DMD: variants seen among roughly 807,000 people sequenced by gnomAD.
The protein encoded by DMD is mutant dystrophin.
A neutral mutation model predicts 330.1 loss-of-function variants in DMD; 63 were observed. That is an observed-to-expected ratio of 0.19 (90% CI 0.16 to 0.24). The LOEUF is 0.24. DMD is among the 10% of genes least tolerant of loss of function. DMD has a pLI of 1.00. For synonymous variants in DMD, 1,223 were observed against 959.8 expected, an observed-to-expected ratio of 1.27 and a Z score of -5.07; for missense variants, 3,344 against 2,684.1, an observed-to-expected ratio of 1.25 and a Z score of -5.43.
At chrX:32,184,118 A>G (rs1238169830) in intron 44 of DMD, among the ~76,000 whole-genome samples, 1 of 110,733 alleles carries the variant, frequency 9.0e-6, no homozygotes, top group African/African-American at 3.3e-5. Flanking sequence ...AAAAAATCTT[A>G]TTGATCACCT....
At chrX:32,093,620 G>T (rs2096488955) in intron 44 of DMD, among the ~76,000 whole-genome samples, 1 of 111,265 alleles carries the variant, frequency 9.0e-6, no homozygotes, top group African/African-American at 3.3e-5. Flanking sequence ...GAAATCTTTG[G>T]GATGTAATTT....
At chrX:33,225,947 G>C (rs1047689501) in intron 1 of DMD, among the ~76,000 whole-genome samples, 1 of 111,602 alleles carries the variant, frequency 9.0e-6, no homozygotes, top group African/African-American at 3.2e-5. Flanking sequence ...ACAACACATA[G>C]ATGGCGGATA....
intron 62 of DMD, among the ~76,000 whole-genome samples, chrX:31,292,084 G>T (rs1355533458): frequency 9.0e-6 from 1 of 110,901 alleles, no homozygotes; most frequent in Admixed American, 9.6e-5. Flanking sequence ...GGACACAAAA[G>T]AATTAACCCT....
intron 41 of DMD, among the ~76,000 whole-genome samples, chrX:32,335,554 T>A (rs1417970248): frequency 4.6e-5 from 3 of 65,323 alleles, no homozygotes; most frequent in Admixed American, 2.1e-4. Flanking sequence ...ATAACGTGTA[T>A]ATGTTATATA....
At chrX:31,167,668 G>T (rs921873709) in intron 74 of DMD, among the ~76,000 whole-genome samples, 3 of 111,626 alleles carry the variant, frequency 2.7e-5, no homozygotes, top group Non-Finnish European at 5.6e-5. Flanking sequence ...CTCTACCATG[G>T]TCTTCACTGA....
At chrX:32,607,021 A>C (rs1490052170) in intron 12 of DMD, among the ~76,000 whole-genome samples, 2 of 109,310 alleles carry the variant, frequency 1.8e-5, no homozygotes, top group Admixed American at 2.0e-4. Flanking sequence ...AGGGGTGAAA[A>C]ATTACCTATT....
intron 44 of DMD, among the ~76,000 whole-genome samples, chrX:32,180,641 G>A (rs1313861277): frequency 9.0e-6 from 1 of 111,198 alleles, no homozygotes; most frequent in Non-Finnish European, 1.9e-5. Context: ...CTGAGACTGG[G>A]TAATTTATAA....
intron 47 of DMD, among the ~76,000 whole-genome samples, chrX:31,899,211 A>C (rs1219399439): frequency 2.7e-5 from 3 of 111,897 alleles, no homozygotes; most frequent in Non-Finnish European, 5.6e-5. Context: ...AGGATTTGTA[A>C]TAATCTCAAT....
intron 9 of DMD, among the ~76,000 whole-genome samples, chrX:32,680,311 G>GA (rs1033396317): frequency 9.0e-6 from 1 of 111,236 alleles, no homozygotes; most frequent in African/African-American, 3.3e-5. Context: ...GTAACGTTTA[G>GA]AAACATCACT....
At chrX:31,933,082 G>GT (rs1220486375) in intron 45 of DMD, among the ~76,000 whole-genome samples, 5 of 111,990 alleles carry the variant, frequency 4.5e-5, no homozygotes, top group African/African-American at 6.5e-5. Flanking sequence ...ACCAACTAAA[G>GT]TAAGTATATA....
chrX:31,953,401 T>TAC (rs1236966880), intron 45 of DMD, among the ~76,000 whole-genome samples: 1 of 112,467 alleles, frequency 8.9e-6, no homozygotes, highest in Non-Finnish European at 1.9e-5. Flanking sequence ...TGGCTTGTTC[T>TAC]ACCTTGATAG....
intron 1 of DMD, among the ~76,000 whole-genome samples, chrX:33,024,455 T>C (rs1221188565): frequency 8.9e-6 from 1 of 112,044 alleles, no homozygotes; most frequent in Non-Finnish European, 1.9e-5. Flanking sequence ...ACTTCATAAA[T>C]TGCAAAAACT....
chrX:31,660,722 T>C (rs1231671947), intron 53 of DMD, among the ~76,000 whole-genome samples: 1 of 111,437 alleles, frequency 9.0e-6, no homozygotes, highest in East Asian at 2.8e-4. Context: ...AAATATATAA[T>C]TAAAATCATT....
chrX:31,696,060 C>T (rs1276811768), intron 52 of DMD, among the ~76,000 whole-genome samples: 2 of 110,857 alleles, frequency 1.8e-5, no homozygotes, highest in East Asian at 2.8e-4. Context: ...CGACTAAAAA[C>T]GAAATAAAAT....
At chrX:32,226,714 GA>G (rs769675591) in intron 43 of DMD, among the ~76,000 whole-genome samples, 1 of 111,107 alleles carries the variant, frequency 9.0e-6, no homozygotes, top group African/African-American at 3.3e-5. Flanking sequence ...CATAAACCCA[GA>G]ATAATACTGC....
intron 16 of DMD, among the ~76,000 whole-genome samples, chrX:32,558,781 T>C (rs184412322): frequency 9.0e-6 from 1 of 111,173 alleles, no homozygotes; most frequent in Non-Finnish European, 1.9e-5. Context: ...TTAAATTTTT[T>C]AGTGCTTACA....
chrX:32,586,497 A>C (rs2054305850), intron 13 of DMD, among the ~76,000 whole-genome samples: 1 of 109,177 alleles, frequency 9.2e-6, no homozygotes, highest in African/African-American at 3.3e-5. Flanking sequence ...TAACTCATTC[A>C]TGCAAATGCT....
chrX:32,784,091 A>C (rs931326406), intron 7 of DMD, among the ~76,000 whole-genome samples: 2 of 110,723 alleles, frequency 1.8e-5, no homozygotes, highest in African/African-American at 3.3e-5. Context: ...GGATGATCTC[A>C]GCCATTAAAG....
intron 48 of DMD, among the ~76,000 whole-genome samples, chrX:31,870,578 T>G (rs2093874682): frequency 8.9e-6 from 1 of 112,252 alleles, no homozygotes; most frequent in Admixed American, 9.4e-5. Flanking sequence ...TCTCCTCTAT[T>G]GCAAAAGTTT....
Sources: gnomAD v4.1 joint callset for allele counts (sites outside exome capture counted in the v4.1 genomes callset) on GRCh38, gnomAD v4.1.1 for gene constraint, MANE v1.5 for transcripts, NCBI Gene and HGNC (gene_info 2026-07-23, HGNC 2026-07-21) for gene names.